Variants in SHOX2 observed in about 807,000 individuals in gnomAD.
The protein encoded by SHOX2 is short stature homeobox protein 2.
A neutral mutation model predicts 31.3 loss-of-function variants in SHOX2; 13 were observed. The observed-to-expected ratio is 0.42, with a 90% CI of 0.27 to 0.66. SHOX2 has a LOEUF of 0.66. SHOX2 is among the 30% of genes least tolerant of loss of function. The pLI is 0.27. For synonymous variants in SHOX2, 244 were observed against 196.2 expected, an observed-to-expected ratio of 1.24 and a Z score of -2.04; for missense variants, 473 against 443.0, an observed-to-expected ratio of 1.07 and a Z score of -0.61.
At chr3:158,104,986 A>C (rs556965528) in intron 1 of SHOX2, 72 of 884,472 alleles carry the variant, frequency 8.1e-5, no homozygotes, top group Admixed American at 1.4e-4. Context: ...GGGTGATTGA[A>C]AACACTAAAG....
In SHOX2 at chr3:158,102,876, C is replaced by T; in HGVS notation, c.357G>A (p.Glu119=). Residue 119 remains glutamate, a synonymous_variant, in exon 2 of 5, where the codon GAG becomes GAA. Coordinates refer to ENST00000483851, the MANE Select transcript of SHOX2 (RefSeq NM_001163678.2). ...GSPRLTEVSP[E]LKDRKEDAKG... ...TCGCATCCTCTTTGCGATCTTTCAG[C>T]TCCGGGGACACTGGAGGGGGCACCC... 6.2e-7 allele frequency: 1 copy of T among 1,613,994 alleles called. No individual in the cohort carries two copies. Among genetic ancestry groups the T allele is most frequent in the Non-Finnish European group, 8.5e-7 (1 of 1,180,016 alleles).
chr3:158,098,387 T>C, intron 4 of SHOX2, 103 bp from the exon 5 acceptor site: 1 of 1,456,042 alleles, frequency 6.9e-7, no homozygotes, highest in Non-Finnish European at 9.4e-7. Flanking sequence ...GAGAGTTGGG[T>C]TGTGTTTGGG....
chr3:158,098,149 C>G lies in SHOX2; in HGVS notation c.838G>C (p.Asp280His). The change falls in exon 5 of 5, where the codon GAT (aspartate) becomes CAT (histidine). Residue 280 changes from aspartate to histidine, a missense_variant. Coordinates refer to ENST00000483851, the MANE Select transcript of SHOX2 (RefSeq NM_001163678.2). ...FGLPLATLAA[D>H]SASAASVVAA... ...ACTACCGAGGCGGCGGAAGCCGAAT[C>G]CGCGGCCAGCGTGGCGAGCGGCAGT... The G allele has an allele frequency of 1.2e-6, 2 of 1,613,422 alleles. No individual in the cohort carries two copies. Among genetic ancestry groups the G allele is most frequent in the Non-Finnish European group, 1.7e-6 (2 of 1,179,646 alleles).
Position 158,106,119 on chromosome 3 carries a change from A to C in SHOX2, c.-95T>G. The C allele has an allele frequency of 3.2e-6, 5 of 1,557,766 alleles. No homozygotes were observed. Among genetic ancestry groups the C allele is most frequent in the Non-Finnish European group, 3.5e-6 (4 of 1,149,274 alleles). On this transcript the variant is annotated 5_prime_UTR_variant, in exon 1 of 5. The change creates a premature stop within an existing upstream ORF in the 5' untranslated region. Coordinates refer to ENST00000483851, the MANE Select transcript of SHOX2 (RefSeq NM_001163678.2). ...TTTTACTGCTCCAGCCCCCCCAATA[A>C]TAACACATCAATGGGACAGGAGGTG...
chr3:158,105,702 G>T lies in SHOX2; in HGVS notation c.323C>A (p.Pro108Gln). The change falls in exon 1 of 5, where the codon CCG becomes CAG. Residue 108 changes from proline (P) to glutamine (Q), a missense_variant. Around this residue, in one of 3 missense-constraint regions of SHOX2, gnomAD observed 276 missense variants for 230.0 expected, o/e 1.20. Transcript: ENST00000483851. ...DMGAAERSREPGSPRLTEVSP... is the reference protein window; with the variant it reads ...DMGAAERSREQGSPRLTEVSP... ...ACCCTCCGTCAGTCGCGGGCTGCCC[G>T]GCTCCCTGCTTCTCTCGGCGGCGCC... 1.3e-6 allele frequency: 2 copies of T among 1,523,332 alleles called. No homozygotes were observed. Among genetic ancestry groups the T allele is most frequent in the Non-Finnish European group, 1.8e-6 (2 of 1,137,002 alleles). The allele number at this position is 1,523,332 out of a possible 1,614,324, so 94.4% of individuals were successfully genotyped here.
intron 1 of SHOX2, among the ~76,000 whole-genome samples, chr3:158,104,515 A>T (rs572420590): frequency 6.6e-6 from 1 of 152,266 alleles, no homozygotes; most frequent in Non-Finnish European, 1.5e-5. Flanking sequence ...ATTTAATAGC[A>T]AAGTATTTTT....
chr3:158,106,230 T>A lies in SHOX2; in HGVS notation c.-206A>T. On this transcript the variant is annotated 5_prime_UTR_variant, in exon 1 of 5. Coordinates refer to ENST00000483851, the MANE Select transcript of SHOX2 (RefSeq NM_001163678.2). ...GGAGAAGTAGAAGGAGAAAAAGAAG[T>A]AAGAAGAGGAGGAGGAGGAAGAAGA... is the stretch of plus-strand genomic sequence containing the variant. The A allele has an allele frequency of 4.2e-6, 3 of 715,636 alleles. No individual in the cohort carries two copies. Among genetic ancestry groups the A allele is most frequent in the South Asian group, 2.3e-5 (1 of 44,218 alleles). The allele number at this position is 715,636 out of a possible 1,614,324, so 44.3% of individuals were successfully genotyped here.
rs1337978720 is a variant in SHOX2 at position 158,096,357 on chromosome 3, G to A, written c.*1670C>T. 1 of 149,476 alleles carries A rather than the reference G, an allele frequency of 6.7e-6. No individual in the cohort carries two copies. Among genetic ancestry groups the A allele is most frequent in the Non-Finnish European group, 1.5e-5 (1 of 67,682 alleles). 9.3% of individuals were successfully genotyped at this position (149,476 alleles called of 1,614,324 possible). A position where few individuals can be genotyped will look rare whatever the true frequency, so the allele number is the denominator to read the frequency against. On this transcript the variant is annotated 3_prime_UTR_variant, in exon 5 of 5. Transcript: ENST00000483851. The stretch of plus-strand genomic sequence containing the variant: ...GCGAATTGGGATACAGACTGGCTTA[G>A]TCCAAGGTATCCCAGTTTAAATAGC...
intron 1 of SHOX2, 168 bp from the exon 2 acceptor site, chr3:158,103,054 A>G: frequency 1.4e-6 from 1 of 689,836 alleles, no homozygotes; most frequent in South Asian, 1.8e-5. Context: ...TTCTCAACCC[A>G]CCCGGAGGAA....
chr3:158,106,028 C>T lies in SHOX2; in HGVS notation c.-4G>A, dbSNP rs768280716. The T allele has an allele frequency of 1.2e-6, 2 of 1,612,590 alleles. No homozygotes were observed. Among genetic ancestry groups the T allele is most frequent in the Non-Finnish European group, 1.7e-6 (2 of 1,179,448 alleles). The stretch of plus-strand genomic sequence containing the variant: ...CGAACGCCGTAAGTTCTTCCATCGC[C>T]GCCGCACGTCAGCCCGGCGCTCAAC... On this transcript the variant is annotated 5_prime_UTR_variant, in exon 1 of 5. Transcript: ENST00000483851.
In SHOX2 at chr3:158,105,729, A is replaced by G. The variant is rs1348255238; in HGVS notation, c.296T>C (p.Met99Thr). ...CTCCCTGCTTCTCTCGGCGGCGCCCATGTCCAGCTCCCGGACGGGAGAGCG... is the reference window on the plus strand; with the variant it reads ...CTCCCTGCTTCTCTCGGCGGCGCCCGTGTCCAGCTCCCGGACGGGAGAGCG... ...GGRSPVRELD[M>T]GAAERSREPG... is the part of the protein sequence containing the mutation. The change falls in exon 1 of 5, where the codon ATG becomes ACG. Residue 99 changes from methionine (M) to threonine (T), a missense_variant. Met to Thr is a moderately conservative substitution (Grantham distance 81). This residue lies in a region of SHOX2 where 276 missense variants were observed against 230.0 expected (regional missense o/e 1.20). Coordinates refer to ENST00000483851, the MANE Select transcript of SHOX2 (RefSeq NM_001163678.2). 2 of 1,524,080 alleles carry G rather than the reference A, an allele frequency of 1.3e-6. No homozygotes were observed. The highest frequency in any genetic ancestry group is 8.8e-7 in the Non-Finnish European group (1 of 1,137,192). 94.4% of individuals were successfully genotyped at this position (1,524,080 alleles called of 1,614,324 possible).
chr3:158,103,056 C>T (rs1423119600), intron 1 of SHOX2, 170 bp from the exon 2 acceptor site: 1 of 691,074 alleles, frequency 1.4e-6, no homozygotes, highest in Non-Finnish European at 2.5e-6. Context: ...CTCAACCCAC[C>T]CGGAGGAAGA....
chr3:158,106,184 GAGAAGAA>G lies in SHOX2; in HGVS notation c.-167_-161del, dbSNP rs1054999159. The G allele has an allele frequency of 4.9e-6, 6 of 1,221,520 alleles. No homozygotes were observed. The African/African-American group carries it at 8.0e-5, about 16-fold the overall frequency. The allele number at this position is 1,221,520 out of a possible 1,614,324, so 75.7% of individuals were successfully genotyped here. ...GGAGGAGAAAGAAGAAGAAAAAGAG[GAGAAGAA>G]AGAAGAAAGAGGAGGAGAAGTAGAA... On this transcript the variant is annotated 5_prime_UTR_variant, in exon 1 of 5. Transcript: ENST00000483851.
At chr3:158,099,620 C>A (rs959091445) in intron 4 of SHOX2, among the ~76,000 whole-genome samples, 1 of 152,180 alleles carries the variant, frequency 6.6e-6, no homozygotes, top group Non-Finnish European at 1.5e-5. Context: ...TTTTAAAGGA[C>A]CAGTTACTGC....
At chr3:158,105,089 C>G in intron 1 of SHOX2, 1 of 1,449,694 alleles carries the variant, frequency 6.9e-7, no homozygotes, top group Non-Finnish European at 9.2e-7. Flanking sequence ...CCGGGAGAAG[C>G]AGCGTAGCCT....
At chr3:158,104,738 A>C (rs548138255) in intron 1 of SHOX2, among the ~76,000 whole-genome samples, 1 of 152,320 alleles carries the variant, frequency 6.6e-6, no homozygotes, top group South Asian at 2.1e-4. Flanking sequence ...CTAAACAGGA[A>C]CAGACCGTGT....
At chr3:158,099,563 C>A (rs767721152) in intron 4 of SHOX2, among the ~76,000 whole-genome samples, 1 of 152,190 alleles carries the variant, frequency 6.6e-6, no homozygotes, top group Non-Finnish European at 1.5e-5. Context: ...AAATCTTAAT[C>A]AAAAGGCTTT....
In SHOX2 at chr3:158,102,767, C is replaced by G; in HGVS notation, c.466G>C (p.Glu156Gln). The G allele has an allele frequency of 6.2e-7, 1 of 1,614,106 alleles. No homozygotes were observed. Residue 156 changes from glutamate (E) to glutamine (Q), a missense_variant, in exon 2 of 5, where the codon GAG (glutamate) becomes CAG (glutamine). By Grantham distance (29) the Glu-to-Gln change is conservative. Transcript: ENST00000483851. ...TAGTGGGTCTCGTCAAAAAGCCTCT[C>G]CAGCTCATTGAGTTGTTCCAGGGTG... is the stretch of plus-strand genomic sequence containing the variant. ...NFTLEQLNEL[E>Q]RLFDETHYPD...
Position 158,106,054 on chromosome 3 carries a change from C to T in SHOX2, c.-30G>A. Reference sequence around the variant, plus strand: ...GCCGCACGTCAGCCCGGCGCTCAACCTCTGCCAGCAGAGCCCCGCTCTTTT... The same window carrying T: ...GCCGCACGTCAGCCCGGCGCTCAACTTCTGCCAGCAGAGCCCCGCTCTTTT... On this transcript the variant is annotated 5_prime_UTR_variant, in exon 1 of 5. Transcript: ENST00000483851. The T allele has an allele frequency of 6.2e-7, 1 of 1,610,868 alleles. No homozygotes were observed. The highest frequency in any genetic ancestry group is 8.5e-7 in the Non-Finnish European group (1 of 1,178,428).
Sources: gnomAD v4.1 joint callset for allele counts (sites outside exome capture counted in the v4.1 genomes callset) on GRCh38, gnomAD v4.1.1 for gene constraint, gnomAD v4.1.1 regional missense constraint, MANE v1.5 for transcripts, NCBI Gene and HGNC (gene_info 2026-07-23, HGNC 2026-07-21) for gene names.